The following MYO18B variants were observed in gnomAD, a reference collection of about 807,000 sequenced individuals.
MYO18B encodes the protein myosin XVIIIB.
A neutral mutation model predicts 273.0 loss-of-function variants in MYO18B; 204 were observed. The observed-to-expected ratio is 0.75, with a 90% CI of 0.67 to 0.84. The LOEUF is 0.84. Among genes scored for constraint, MYO18B ranks in the 40% least tolerant of loss-of-function variants. The pLI, the probability that MYO18B is intolerant of heterozygous loss-of-function variation, is 0.00. For missense variants in MYO18B, 3,212 were observed against 3,287.6 expected, an observed-to-expected ratio of 0.98 and a Z score of 0.56; for synonymous variants, 1,330 against 1,305.7, an observed-to-expected ratio of 1.02 and a Z score of -0.40.
rs372305504 is a variant in MYO18B at position 25,947,768 on chromosome 22, C to G, written c.5688C>G (p.Ile1896Met). ...AGAAGGCGGACCTCCTGAAGCGCAT[C>G]GATGAGGACCAGGATGACCTGAATG... ...QFEKADLLKRIDEDQDDLNEL... is the reference protein window; with the variant it reads ...QFEKADLLKRMDEDQDDLNEL... Residue 1896 changes from isoleucine to methionine, a missense_variant, in exon 36 of 44, where the codon ATC (isoleucine) becomes ATG (methionine). Transcript: ENST00000335473. 1 of 1,613,842 alleles carries G rather than the reference C, an allele frequency of 6.2e-7. No homozygotes were observed. Among genetic ancestry groups the G allele is most frequent in the South Asian group, 1.1e-5 (1 of 91,058 alleles).
intron 42 of MYO18B, among the ~76,000 whole-genome samples, chr22:26,013,972 G>T (rs968732111): frequency 6.6e-6 from 1 of 151,966 alleles, no homozygotes; most frequent in East Asian, 1.9e-4. Context: ...TCTCTTAATG[G>T]TTTATTTTTA....
At chr22:25,822,239 T>C (rs576210871) in intron 12 of MYO18B, among the ~76,000 whole-genome samples, 113 of 152,364 alleles carry the variant, frequency 7.4e-4, no homozygotes, top group African/African-American at 2.5e-3. Flanking sequence ...TCTGAAGCAC[T>C]TCGCTGGTTC....
At chr22:25,943,999 G>T (rs2092675639) in intron 34 of MYO18B, among the ~76,000 whole-genome samples, 1 of 152,076 alleles carries the variant, frequency 6.6e-6, no homozygotes, top group Non-Finnish European at 1.5e-5. Flanking sequence ...TGGGATTACA[G>T]GTGTGAGCCA....
intron 39 of MYO18B, among the ~76,000 whole-genome samples, chr22:25,987,392 G>A (rs925723745): frequency 6.6e-6 from 1 of 152,188 alleles, no homozygotes; most frequent in African/African-American, 2.4e-5. Flanking sequence ...GTTCTCTCAA[G>A]TGATGCTGGG....
At chr22:25,866,336 A>G (rs1215079138) in intron 21 of MYO18B, among the ~76,000 whole-genome samples, 1 of 152,272 alleles carries the variant, frequency 6.6e-6, no homozygotes, top group South Asian at 2.1e-4. Flanking sequence ...TGAGAGTCCA[A>G]ATCTCTGGCT....
chr22:25,973,711 TCAAA>T, intron 39 of MYO18B, among the ~76,000 whole-genome samples: 1 of 152,334 alleles, frequency 6.6e-6, no homozygotes, highest in East Asian at 1.9e-4. Flanking sequence ...AGGCATGATC[TCAAA>T]CAAGCATAAT....
chr22:25,772,261 CG>C (rs911150300), intron 6 of MYO18B, 72 bp from the exon 7 acceptor site: 72 of 1,174,506 alleles, frequency 6.1e-5, no homozygotes, highest in Admixed American at 1.4e-4. Context: ...TGTTTGGTTG[CG>C]GGGGGGTGGG....
chr22:25,960,864 T>C (rs1601694500), intron 39 of MYO18B, among the ~76,000 whole-genome samples: 1 of 152,126 alleles, frequency 6.6e-6, no homozygotes, highest in East Asian at 1.9e-4. Flanking sequence ...AAATCTTTTA[T>C]GGGGCCGGAT....
In MYO18B at chr22:26,027,356, C is replaced by T. The variant is rs1385211413; in HGVS notation, c.7382C>T (p.Ala2461Val). 1 of 1,614,014 alleles carries T rather than the reference C, an allele frequency of 6.2e-7. No individual in the cohort carries two copies. The highest frequency in any genetic ancestry group is 1.1e-5 in the South Asian group (1 of 91,074). ...PQTPTSLAGSAKGGQDGSQRS... is the reference protein window; with the variant it reads ...PQTPTSLAGSVKGGQDGSQRS... ...ACACCTACCTCCTTGGCTGGATCAG[C>T]CAAAGGTGGGCAAGACGGTTCACAG... is the stretch of plus-strand genomic sequence containing the variant. The change falls in exon 43 of 44, where the codon GCC becomes GTC. Residue 2461 changes from alanine (A) to valine (V), a missense_variant. Physicochemically the swap from Ala to Val is moderately conservative, Grantham distance 64 (BLOSUM62 0). Coordinates refer to ENST00000335473, the MANE Select transcript of MYO18B (RefSeq NM_032608.7). The surrounding 1 kb of genome is among the most constrained non-coding windows in gnomAD (Gnocchi z 4.1).
intron 40 of MYO18B, among the ~76,000 whole-genome samples, chr22:25,998,233 G>A (rs1220989087): frequency 1.3e-5 from 2 of 152,176 alleles, no homozygotes; most frequent in Non-Finnish European, 2.9e-5. Flanking sequence ...GATTAATGGA[G>A]AAATGCTTTA....
chr22:25,805,553 C>T (rs2088432255), intron 12 of MYO18B, among the ~76,000 whole-genome samples: 1 of 152,156 alleles, frequency 6.6e-6, no homozygotes, highest in Admixed American at 6.5e-5. Context: ...CCCAGCTAGT[C>T]TCCTGGCTTC....
chr22:25,909,515 G>A (rs1164863176), intron 32 of MYO18B, among the ~76,000 whole-genome samples: 3 of 152,096 alleles, frequency 2.0e-5, no homozygotes, highest in African/African-American at 7.2e-5. Flanking sequence ...CCCCTCCATG[G>A]GTCAGGAGAT....
chr22:25,760,841 A>G, intron 1 of MYO18B, 143 bp from the exon 2 acceptor site: 2 of 554,646 alleles, frequency 3.6e-6, no homozygotes, highest in East Asian at 5.9e-5. Flanking sequence ...CTCCTTGCAG[A>G]GGTAGCTGAC....
intron 39 of MYO18B, among the ~76,000 whole-genome samples, chr22:25,986,477 T>C (rs2093203801): frequency 6.6e-6 from 1 of 152,220 alleles, no homozygotes; most frequent in African/African-American, 2.4e-5. Flanking sequence ...TTTTTATGTT[T>C]CTATAGTACT....
At chr22:25,826,559 C>T in intron 14 of MYO18B, 60 bp downstream of exon 14, 3 of 1,453,666 alleles carry the variant, frequency 2.1e-6, no homozygotes, top group Non-Finnish European at 1.9e-6. Flanking sequence ...GATGAATTCA[C>T]ATACCGGGCA....
At chr22:25,750,168 G>A (rs1483134479) in intron 1 of MYO18B, among the ~76,000 whole-genome samples, 1 of 152,194 alleles carries the variant, frequency 6.6e-6, no homozygotes, top group African/African-American at 2.4e-5. Context: ...ACTGTCAGAG[G>A]AGGGAGCTGC....
chr22:26,033,829 CTTCT>C (rs200125705), downstream of MYO18B, among the ~76,000 whole-genome samples: 495 of 103,700 alleles, frequency 4.8e-3, 11 homozygotes, highest in South Asian at 0.046. Flanking sequence ...TCCTCCCTTC[CTTCT>C]TTCTTTCTTT....
chr22:26,028,747 G>A (rs1481012235), intron 43 of MYO18B, among the ~76,000 whole-genome samples: 1 of 152,080 alleles, frequency 6.6e-6, no homozygotes, highest in Non-Finnish European at 1.5e-5. Flanking sequence ...AAATAGCAGA[G>A]CGTGGTAGCG....
At chr22:25,853,578 T>G (rs1372164575) in intron 21 of MYO18B, among the ~76,000 whole-genome samples, 1 of 152,176 alleles carries the variant, frequency 6.6e-6, no homozygotes, top group Non-Finnish European at 1.5e-5. Flanking sequence ...AAAATTTGAC[T>G]TCATTCAGAG....
Sources: gnomAD v4.1 joint callset for allele counts (sites outside exome capture counted in the v4.1 genomes callset) on GRCh38, gnomAD v4.1.1 for gene constraint, Gnocchi (gnomAD v3.1) non-coding constraint, MANE v1.5 for transcripts, NCBI Gene and HGNC (gene_info 2026-07-23, HGNC 2026-07-21) for gene names.